SLC35F4: variants seen among roughly 807,000 people sequenced by gnomAD.
SLC35F4 encodes the protein chromosome 14 open reading frame 36.
In SLC35F4, 24 loss-of-function variants were observed where a neutral mutation model predicts 44.2. That is an observed-to-expected ratio of 0.54 (90% CI 0.39 to 0.76). The LOEUF (loss-of-function observed/expected upper bound fraction) is 0.76, where lower values mean the gene tolerates loss of function less well. Among genes scored for constraint, SLC35F4 ranks in the 30% least tolerant of loss-of-function variants. The pLI is 0.00. For missense variants in SLC35F4, 562 were observed against 586.1 expected (o/e 0.96, Z 0.42); for synonymous variants, 238 against 223.6 (o/e 1.06, Z -0.57).
At chr14:57,733,429 C>T (rs1397230492) in intron 1 of SLC35F4, among the ~76,000 whole-genome samples, 2 of 145,670 alleles carry the variant, frequency 1.4e-5, no homozygotes, top group Non-Finnish European at 3.0e-5. Context: ...AGCTTATATA[C>T]ACAAAGTTAA....
At chr14:57,652,737 A>G (rs139980962) in intron 1 of SLC35F4, among the ~76,000 whole-genome samples, 5 of 152,282 alleles carry the variant, frequency 3.3e-5, no homozygotes, top group African/African-American at 7.2e-5. Context: ...ACAAAGAACT[A>G]TCTTGCACAA....
At chr14:57,809,751 A>G (rs1469534667) in intron 1 of SLC35F4, among the ~76,000 whole-genome samples, 1 of 152,234 alleles carries the variant, frequency 6.6e-6, no homozygotes, top group Non-Finnish European at 1.5e-5. Flanking sequence ...ACACTGCCCC[A>G]CACGGCTTGA....
chr14:57,642,334 T>C (rs1320604879), intron 1 of SLC35F4, among the ~76,000 whole-genome samples: 5 of 152,062 alleles, frequency 3.3e-5, no homozygotes, highest in Non-Finnish European at 7.4e-5. Context: ...GGGCTGATTT[T>C]ATATTAACAA....
intron 1 of SLC35F4, among the ~76,000 whole-genome samples, chr14:57,901,606 A>T (rs1283114663): frequency 6.6e-6 from 1 of 152,144 alleles, no homozygotes; most frequent in Non-Finnish European, 1.5e-5. Flanking sequence ...CTGTGCAGCA[A>T]ACCACCATGG....
chr14:57,757,900 G>A (rs943048384), intron 1 of SLC35F4, among the ~76,000 whole-genome samples: 3 of 151,550 alleles, frequency 2.0e-5, no homozygotes, highest in Non-Finnish European at 4.4e-5. Flanking sequence ...GTCCCCTGTG[G>A]TTCTTCAGTT....
At chr14:57,901,416 AG>A (rs1212199431) in intron 1 of SLC35F4, among the ~76,000 whole-genome samples, 1 of 152,232 alleles carries the variant, frequency 6.6e-6, no homozygotes, top group East Asian at 1.9e-4. Flanking sequence ...AAACTAATGC[AG>A]GAACAGAAAA....
intron 1 of SLC35F4, among the ~76,000 whole-genome samples, chr14:57,638,714 C>T (rs554226578): frequency 2.3e-4 from 35 of 152,190 alleles, no homozygotes; most frequent in African/African-American, 7.0e-4. Context: ...AAGGCTACTA[C>T]AGGAAAGGCA....
chr14:57,584,796 G>A (rs979214010), intron 3 of SLC35F4, among the ~76,000 whole-genome samples: 2 of 152,008 alleles, frequency 1.3e-5, no homozygotes, highest in Admixed American at 6.6e-5. Context: ...CTTGCTTTGA[G>A]GTATTCTTGA....
At chr14:57,727,997 A>G (rs1002118621) in intron 1 of SLC35F4, among the ~76,000 whole-genome samples, 2 of 152,174 alleles carry the variant, frequency 1.3e-5, no homozygotes, top group African/African-American at 4.8e-5. Context: ...ATCTCCAGAT[A>G]TTATTGTATT....
chr14:57,674,996 C>G lies in SLC35F4; in HGVS notation c.104-80872G>C, dbSNP rs550102796. On this transcript the variant is annotated intron_variant, in intron 1 of 7. Transcript: ENST00000556826. ...CAAAGGCTGTAAGTGTCTGTGCTAG[C>G]AAGATGTGGAGAAATGTGAGCAATC... Among the ~76,000 whole-genome samples the G allele has an allele frequency of 3.9e-5, 6 of 152,218 alleles. No homozygotes were observed. In the South Asian group the frequency reaches 8.3e-4, roughly 21 times the overall value.
intron 1 of SLC35F4, among the ~76,000 whole-genome samples, chr14:57,603,615 C>A (rs188612919): frequency 1.3e-3 from 195 of 152,338 alleles, no homozygotes; most frequent in African/African-American, 4.3e-3. Context: ...CCAGTGGGTA[C>A]TACCCAACAA....
At chr14:57,916,471 T>C (rs900640775) in intron 1 of SLC35F4, among the ~76,000 whole-genome samples, 2 of 152,212 alleles carry the variant, frequency 1.3e-5, no homozygotes, top group African/African-American at 4.8e-5. Flanking sequence ...TTTTGGTATC[T>C]ATCCTGCCTG....
chr14:57,909,154 C>A (rs964680262), intron 1 of SLC35F4, among the ~76,000 whole-genome samples: 3 of 152,060 alleles, frequency 2.0e-5, no homozygotes, highest in East Asian at 1.9e-4. Flanking sequence ...GGGTATGCAG[C>A]AAATTTAGTG....
At chr14:57,768,780 T>C (rs1421395358) in intron 1 of SLC35F4, among the ~76,000 whole-genome samples, 1 of 152,120 alleles carries the variant, frequency 6.6e-6, no homozygotes, top group African/African-American at 2.4e-5. Flanking sequence ...TGAGACGAAG[T>C]CTTGCTCGGT....
rs78175051 is a variant in SLC35F4 at position 57,958,919 on chromosome 14, C to T, written n.282+22994G>A. ...CAAAAGTTAGACATCGTCAGAATCC[C>T]TTCCAAATGCTCTGGAGGAGAGTGG... On this transcript the variant is annotated intron_variant and non_coding_transcript_variant, in intron 1 of 1. Coordinates refer to the SLC35F4 transcript ENST00000556568. Among the ~76,000 whole-genome samples the T allele has an allele frequency of 1.6e-3, 246 of 152,348 alleles. No individual in the cohort carries two copies. In the East Asian group the frequency reaches 0.04, roughly 25 times the overall value.
At chr14:57,658,165 GTGTT>G (rs763953373) in intron 1 of SLC35F4, among the ~76,000 whole-genome samples, 1 of 152,116 alleles carries the variant, frequency 6.6e-6, no homozygotes, top group Non-Finnish European at 1.5e-5. Flanking sequence ...TCTGATATGA[GTGTT>G]TGGTAACTTA....
intron 1 of SLC35F4, among the ~76,000 whole-genome samples, chr14:57,634,541 T>C (rs1184058782): frequency 6.6e-6 from 1 of 152,024 alleles, no homozygotes; most frequent in African/African-American, 2.4e-5. Context: ...GCACCATTCA[T>C]TGGAAAAACA....
At chr14:57,663,905 A>G (rs943483128) in intron 1 of SLC35F4, among the ~76,000 whole-genome samples, 2 of 152,200 alleles carry the variant, frequency 1.3e-5, no homozygotes, top group Admixed American at 1.3e-4. Flanking sequence ...GGCATGTTTC[A>G]GTTAGCCCAA....
At chr14:57,645,885 T>C (rs2073483567) in intron 1 of SLC35F4, among the ~76,000 whole-genome samples, 2 of 152,048 alleles carry the variant, frequency 1.3e-5, no homozygotes, top group South Asian at 2.1e-4. Context: ...GATAATCATG[T>C]GGTTTTTGTC....
Sources: gnomAD v4.1 joint callset for allele counts (sites outside exome capture counted in the v4.1 genomes callset) on GRCh38, gnomAD v4.1.1 for gene constraint, MANE v1.5 for transcripts, NCBI Gene and HGNC (gene_info 2026-07-23, HGNC 2026-07-21) for gene names.